EPHA10: variants seen among roughly 807,000 people sequenced by gnomAD.
The protein encoded by EPHA10 is EPH receptor A10.
In EPHA10, 120 loss-of-function variants were observed where a neutral mutation model predicts 109.7. The observed-to-expected ratio is 1.09, with a 90% CI of 0.94 to 1.27. The LOEUF (loss-of-function observed/expected upper bound fraction) is 1.27, where lower values mean the gene tolerates loss of function less well. Among genes scored for constraint, EPHA10 ranks in the 50% most tolerant of loss-of-function variants. EPHA10 has a pLI of 0.00. For synonymous variants in EPHA10, 640 were observed against 618.9 expected (o/e 1.03, Z -0.51); for missense variants, 1,396 against 1,411.1 (o/e 0.99, Z 0.17).
rs57961523 is a variant in EPHA10, at chr1:37,717,534, T to A, written c.*838A>T. The A allele has an allele frequency of 0.026, 5,966 of 231,052 alleles. 341 individuals carry two copies. The highest frequency in any genetic ancestry group is 0.12 in the African/African-American group (5,567 of 45,304). The allele number at this position is 231,052 out of a possible 1,614,324, so 14.3% of individuals were successfully genotyped here. On this transcript the variant is annotated 3_prime_UTR_variant, in exon 17 of 17. Transcript: ENST00000373048. ...CTGAGTCTCCTCTTCACCCTCCCCATGGCTGGAGAGAAAAGCTCTTGGGTC... is the reference window on the plus strand; with the variant it reads ...CTGAGTCTCCTCTTCACCCTCCCCAAGGCTGGAGAGAAAAGCTCTTGGGTC...
intron 5 of EPHA10, among the ~76,000 whole-genome samples, chr1:37,752,264 G>A (rs1157623790): frequency 1.3e-5 from 2 of 152,186 alleles, no homozygotes; most frequent in Non-Finnish European, 2.9e-5. Flanking sequence ...ACTCAGAGAT[G>A]TATTGGCTGG....
chr1:37,735,302 G>A lies in EPHA10; in HGVS notation c.1446C>T (p.Ala482=). The change falls in exon 6 of 17, where the codon GCC becomes GCT. Residue 482 remains alanine (A), a synonymous_variant. Transcript: ENST00000373048. The part of the protein sequence containing the change: ...LSWREPIPAG[A]PGANDTEYEI... Reference sequence around the variant, plus strand: ...CGTACTCCGTGTCATTGGCCCCAGGGGCTCCGGCAGGGATGGGCTCCCGCC... The same window carrying A: ...CGTACTCCGTGTCATTGGCCCCAGGAGCTCCGGCAGGGATGGGCTCCCGCC... 1 of 1,561,096 alleles carries A rather than the reference G, an allele frequency of 6.4e-7. No homozygotes were observed. Among genetic ancestry groups the A allele is most frequent in the Non-Finnish European group, 8.7e-7 (1 of 1,152,478 alleles).
chr1:37,753,239 A>AGGGGCGGGGCGGTC lies in EPHA10; in HGVS notation c.1007-27_1007-14dup, dbSNP rs1437610015. ...GCCGACGGCGGCCCTGAGGCGGCAC[A>AGGGGCGGGGCGGTC]GGGGCGGGGCGGTCAGGGCGGGGCG... On this transcript the variant is annotated splice_polypyrimidine_tract_variant and intron_variant, in intron 4 of 16. Transcript: ENST00000373048. The AGGGGCGGGGCGGTC allele has an allele frequency of 2.1e-6, 2 of 956,012 alleles. No homozygotes were observed. The highest frequency in any genetic ancestry group is 1.3e-4 in the East Asian group (1 of 7,988). The allele number at this position is 956,012 out of a possible 1,614,324, so 59.2% of individuals were successfully genotyped here. A position where few individuals can be genotyped will look rare whatever the true frequency, so the allele number is the denominator to read the frequency against.
intron 3 of EPHA10, chr1:37,760,286 AC>A (rs1646420277): frequency 9.7e-7 from 1 of 1,033,154 alleles, no homozygotes; most frequent in African/African-American, 1.7e-5. Flanking sequence ...GAAAAAGCAT[AC>A]CTTGATCTTT....
chr1:37,739,820 T>C (rs181962038), intron 5 of EPHA10, among the ~76,000 whole-genome samples: 4 of 152,050 alleles, frequency 2.6e-5, no homozygotes, highest in East Asian at 3.9e-4. Context: ...ACCCCAGGTA[T>C]TGGAGTTCAT....
At chr1:37,730,849 G>A (rs1351531784) in intron 7 of EPHA10, among the ~76,000 whole-genome samples, 8 of 151,810 alleles carry the variant, frequency 5.3e-5, no homozygotes, top group Non-Finnish European at 1.2e-4. Flanking sequence ...CCGCCACCAC[G>A]CCCGGCTGAT....
chr1:37,722,357 A>G (rs12756715), intron 10 of EPHA10: 15,743 of 231,162 alleles, frequency 0.068, 654 homozygotes, highest in Middle Eastern at 0.11. Context: ...CATGTGACCC[A>G]GGATGGATGA....
chr1:37,761,746 T>C lies in EPHA10; in HGVS notation c.509A>G (p.Lys170Arg), dbSNP rs764054816. The C allele has an allele frequency of 6.2e-7, 1 of 1,613,810 alleles. No individual in the cohort carries two copies. Among genetic ancestry groups the C allele is most frequent in the Non-Finnish European group, 8.5e-7 (1 of 1,179,884 alleles). The change falls in exon 3 of 17, where the codon AAG becomes AGG. Residue 170 changes from lysine to arginine, a missense_variant. Coordinates refer to ENST00000373048, the MANE Select transcript of EPHA10 (RefSeq NM_001099439.2). ...SFTQGDLGERKMKLNTEVREI... is the reference protein window; with the variant it reads ...SFTQGDLGERRMKLNTEVREI... Reference sequence around the variant, plus strand: ...GCGCACCTCTGTGTTCAGCTTCATCTTGCGCTCACCCAGGTCGCCCTGCGT... The same window carrying C: ...GCGCACCTCTGTGTTCAGCTTCATCCTGCGCTCACCCAGGTCGCCCTGCGT...
chr1:37,765,097 C>T lies in EPHA10; in HGVS notation c.-31G>A, dbSNP rs750088625. 12 of 1,553,298 alleles carry T rather than the reference C, an allele frequency of 7.7e-6. No individual in the cohort carries two copies. Among genetic ancestry groups the T allele is most frequent in the South Asian group, 1.2e-5 (1 of 85,272 alleles). On this transcript the variant is annotated 5_prime_UTR_variant, in exon 1 of 17. Coordinates refer to ENST00000373048, the MANE Select transcript of EPHA10 (RefSeq NM_001099439.2). ...GCAGACCGAGCTGTCAGTCCGGCGG[C>T]GGCTCAAGCCGCGCCAGCCTAGCAC...
chr1:37,752,922 G>A lies in EPHA10; in HGVS notation c.1311C>T (p.Ala437=). 1 of 1,310,286 alleles carries A rather than the reference G, an allele frequency of 7.6e-7. No homozygotes were observed. Among genetic ancestry groups the A allele is most frequent in the East Asian group, 3.2e-5 (1 of 31,320 alleles). The allele number at this position is 1,310,286 out of a possible 1,614,324, so 81.2% of individuals were successfully genotyped here. The stretch of plus-strand genomic sequence containing the variant: ...TGACCTGCGCGTAGGTGGTTCCCGC[G>A]GCGGCCGCCGGGCCCGAGACGCCGT... The part of the protein sequence containing the change: ...ALNGVSGPAA[A]AGTTYAQVTV... Residue 437 remains alanine (A), a synonymous_variant, in exon 5 of 17, where the codon GCC becomes GCT. Coordinates refer to ENST00000373048, the MANE Select transcript of EPHA10 (RefSeq NM_001099439.2).
chr1:37,752,305 A>G (rs1646339564), intron 5 of EPHA10, among the ~76,000 whole-genome samples: 1 of 152,086 alleles, frequency 6.6e-6, no homozygotes, highest in Non-Finnish European at 1.5e-5. Context: ...GCCTAACTCT[A>G]CAAGCTTCCT....
rs1354718410 is a variant in EPHA10 at position 37,752,932 on chromosome 1, G to A, written c.1301C>T (p.Pro434Leu). The A allele has an allele frequency of 3.8e-6, 5 of 1,310,112 alleles. No homozygotes were observed. Among genetic ancestry groups the A allele is most frequent in the East Asian group, 3.2e-5 (1 of 31,150 alleles). 81.2% of individuals were successfully genotyped at this position (1,310,112 alleles called of 1,614,324 possible). A position where few individuals can be genotyped will look rare whatever the true frequency, so the allele number is the denominator to read the frequency against. Residue 434 changes from proline to leucine, a missense_variant, in exon 5 of 17, where the codon CCG becomes CTG. Coordinates refer to ENST00000373048, the MANE Select transcript of EPHA10 (RefSeq NM_001099439.2). Reference sequence around the variant, plus strand: ...GTAGGTGGTTCCCGCGGCGGCCGCCGGGCCCGAGACGCCGTTGAGCGCGGC... The same window carrying A: ...GTAGGTGGTTCCCGCGGCGGCCGCCAGGCCCGAGACGCCGTTGAGCGCGGC... ...RVAALNGVSG[P>L]AAAAGTTYAQ...
Position 37,765,023 on chromosome 1 carries a change from C to T in EPHA10, c.44G>A (p.Cys15Tyr). Residue 15 changes from cysteine (C) to tyrosine (Y), a missense_variant, in exon 1 of 17, where the codon TGC becomes TAC. Coordinates refer to ENST00000373048, the MANE Select transcript of EPHA10 (RefSeq NM_001099439.2). ...AGPHPLRLFL[C>Y]RMQLCLALLL... is the part of the protein sequence containing the mutation. The stretch of plus-strand genomic sequence containing the variant: ...CAGCGCGAGACAGAGCTGCATCCGG[C>T]AGAGGAAGAGGCGCAGCGGGTGTGG... The T allele has an allele frequency of 5.0e-6, 8 of 1,610,730 alleles. No homozygotes were observed. Among genetic ancestry groups the T allele is most frequent in the Non-Finnish European group, 6.8e-6 (8 of 1,179,384 alleles).
chr1:37,719,986 C>T lies in EPHA10; in HGVS notation c.2485G>A (p.Val829Met), dbSNP rs373625157. Reference sequence around the variant, plus strand: ...CACATGATGATGCCGAAGCTCCACACGTCACTGGCAGAGCTGAAGTGGCCA... The same window carrying T: ...CACATGATGATGCCGAAGCTCCACATGTCACTGGCAGAGCTGAAGTGGCCA... ...QFGHFSSASD[V>M]WSFGIIMWEV... Residue 829 changes from valine (V) to methionine (M), a missense_variant, in exon 14 of 17, where the codon GTG (valine) becomes ATG (methionine). Val to Met is a conservative substitution (Grantham distance 21). Coordinates refer to ENST00000373048, the MANE Select transcript of EPHA10 (RefSeq NM_001099439.2). 1.1e-5 allele frequency: 18 copies of T among 1,613,982 alleles called. No homozygotes were observed. Among genetic ancestry groups the T allele is most frequent in the Non-Finnish European group, 1.5e-5 (18 of 1,180,036 alleles).
intron 14 of EPHA10, 141 bp downstream of exon 14, chr1:37,719,768 G>T: frequency 6.8e-7 from 1 of 1,469,626 alleles, no homozygotes; most frequent in East Asian, 2.3e-5. Context: ...CTGGGGCAGT[G>T]GCCAGGCAGA....
In EPHA10 at chr1:37,754,089, C is replaced by T. The variant is rs681890; in HGVS notation, c.1006+126G>A. ...CGTACGCCGCCTTCCGGGGCGCTGG[C>T]CCCCATATCCGCCCACGTGCGCCCC... is the stretch of plus-strand genomic sequence containing the variant. On this transcript the variant is annotated intron_variant, in intron 4 of 16. Transcript: ENST00000373048. The surrounding 1 kb of genome is among the most constrained non-coding windows in gnomAD (Gnocchi z 4.5). The T allele has an allele frequency of 0.33, 362,663 of 1,086,750 alleles. 61,742 individuals carry two copies. The highest frequency in any genetic ancestry group is 0.49 in the East Asian group (15,242 of 30,964). The allele number at this position is 1,086,750 out of a possible 1,614,324, so 67.3% of individuals were successfully genotyped here. A position where few individuals can be genotyped will look rare whatever the true frequency, so the allele number is the denominator to read the frequency against.
intron 5 of EPHA10, among the ~76,000 whole-genome samples, chr1:37,747,075 G>A (rs967013249): frequency 1.3e-5 from 2 of 152,106 alleles, no homozygotes; most frequent in Non-Finnish European, 2.9e-5. Flanking sequence ...TCACTGAACC[G>A]TATACTTCAA....
chr1:37,761,694 A>C lies in EPHA10; in HGVS notation c.561T>G (p.Gly187=). 1.2e-6 allele frequency: 2 copies of C among 1,612,376 alleles called. No individual in the cohort carries two copies. Among genetic ancestry groups the C allele is most frequent in the Non-Finnish European group, 1.7e-6 (2 of 1,179,836 alleles). ...VREIGPLSRR[G]FHLAFQDVGA... ...CCACGTCCTGAAAGGCCAGGTGGAA[A>C]CCCCGCCGGCTGAGCGGTCCGATCT... Residue 187 remains glycine (G), a synonymous_variant, in exon 3 of 17, where the codon GGT becomes GGG. Coordinates refer to ENST00000373048, the MANE Select transcript of EPHA10 (RefSeq NM_001099439.2).
rs1472906081 is a variant in EPHA10 at position 37,716,950 on chromosome 1, T to A, written c.*1422A>T. On this transcript the variant is annotated 3_prime_UTR_variant, in exon 17 of 17. Transcript: ENST00000373048. ...TTACTTCTTGGTACCTGAGCTCTTCTCCTGGTCTAGTCTGAGCCCCCCAAG... is the reference window on the plus strand; with the variant it reads ...TTACTTCTTGGTACCTGAGCTCTTCACCTGGTCTAGTCTGAGCCCCCCAAG... 1 of 232,998 alleles carries A rather than the reference T, an allele frequency of 4.3e-6. No homozygotes were observed. The highest frequency in any genetic ancestry group is 8.5e-6 in the Non-Finnish European group (1 of 117,968). 14.4% of individuals were successfully genotyped at this position (232,998 alleles called of 1,614,324 possible). A position where few individuals can be genotyped will look rare whatever the true frequency, so the allele number is the denominator to read the frequency against.
Sources: allele counts gnomAD v4.1 joint callset (sites outside exome capture counted in the v4.1 genomes callset), GRCh38; gene constraint gnomAD v4.1.1; non-coding constraint Gnocchi (gnomAD v3.1); transcripts MANE v1.5; gene names NCBI Gene and HGNC (gene_info 2026-07-23, HGNC 2026-07-21).